The following GRIA4 variants were observed in gnomAD, a reference collection of about 807,000 sequenced individuals.
GRIA4 encodes glutamate receptor 4.
A neutral mutation model predicts 104.0 loss-of-function variants in GRIA4; 34 were observed. The ratio of observed to expected loss-of-function variants is 0.33; its 90% CI spans 0.25 to 0.44. The LOEUF (loss-of-function observed/expected upper bound fraction) is 0.44, where lower values mean the gene tolerates loss of function less well. Ranked by LOEUF, GRIA4 falls within the 20% of genes least tolerant of loss-of-function variation. The pLI is 1.00. For missense variants in GRIA4, 750 were observed against 1,096.5 expected (o/e 0.68, Z 4.46); for synonymous variants, 386 against 381.9 (o/e 1.01, Z -0.13).
At chr11:105,797,466 G>A (rs560689795) in intron 4 of GRIA4, among the ~76,000 whole-genome samples, 1 of 151,982 alleles carries the variant, frequency 6.6e-6, no homozygotes, top group African/African-American at 2.4e-5. Flanking sequence ...CGGGCCTAAG[G>A]TTACACTCTA....
intron 7 of GRIA4, among the ~76,000 whole-genome samples, chr11:105,902,855 C>G (rs1946908472): frequency 6.6e-6 from 1 of 152,152 alleles, no homozygotes; most frequent in Non-Finnish European, 1.5e-5. Flanking sequence ...AGCACAGTGA[C>G]TAGTACATAC....
chr11:105,936,099 C>G (rs1478318101), intron 14 of GRIA4, among the ~76,000 whole-genome samples: 1 of 152,134 alleles, frequency 6.6e-6, no homozygotes, highest in African/African-American at 2.4e-5. Flanking sequence ...TGAAGGCTGA[C>G]CAGCATGCAC....
At chr11:105,759,613 G>A (rs986048538) in intron 4 of GRIA4, among the ~76,000 whole-genome samples, 2 of 151,884 alleles carry the variant, frequency 1.3e-5, no homozygotes, top group South Asian at 2.1e-4. Context: ...TCCACTTCTC[G>A]TGAAATACCA....
intron 14 of GRIA4, among the ~76,000 whole-genome samples, chr11:105,946,824 T>C (rs1463944012): frequency 2.0e-5 from 3 of 151,996 alleles, no homozygotes. Flanking sequence ...GAAGAAAATT[T>C]TAGGAAGGGA....
intron 5 of GRIA4, chr11:105,862,540 C>T (rs56091908): frequency 0.2 from 34,041 of 174,138 alleles, 3,501 homozygotes; most frequent in South Asian, 0.23. Context: ...AAAAATAGTA[C>T]AAAAATTCTA....
chr11:105,914,158 C>T (rs1935354486), intron 10 of GRIA4, among the ~76,000 whole-genome samples: 1 of 151,666 alleles, frequency 6.6e-6, no homozygotes. Flanking sequence ...CACTGAAGAG[C>T]TTATAAATCA....
At chr11:105,725,195 A>G (rs1231103971) in intron 3 of GRIA4, among the ~76,000 whole-genome samples, 1 of 152,216 alleles carries the variant, frequency 6.6e-6, no homozygotes, top group Non-Finnish European at 1.5e-5. Flanking sequence ...ATGCAATATT[A>G]GCTATTTCTC....
chr11:105,794,469 GTA>G (rs1200611859), intron 4 of GRIA4, among the ~76,000 whole-genome samples: 2,033 of 40,756 alleles, frequency 0.05, 180 homozygotes, highest in African/African-American at 0.12. Context: ...GTGTGTATAT[GTA>G]TGTATATATA....
chr11:105,806,627 G>A (rs958079556), intron 4 of GRIA4, among the ~76,000 whole-genome samples: 1 of 151,810 alleles, frequency 6.6e-6, no homozygotes, highest in African/African-American at 2.4e-5. Context: ...GATGTGCCAT[G>A]AAGAAAACAG....
At position 105,862,158 on chromosome 11, in the gene GRIA4, A is replaced by G. The variant is rs1351663546; in HGVS notation, c.622A>G (p.Lys208Glu). 6.2e-7 allele frequency: 1 copy of G among 1,607,562 alleles called. No homozygotes were observed. Among genetic ancestry groups the G allele is most frequent in the East Asian group, 2.2e-5 (1 of 44,794 alleles). The change falls in exon 5 of 17, where the codon AAG becomes GAG. Residue 208 changes from lysine to glutamate, a missense_variant. Around this residue, in one of 3 missense-constraint regions of GRIA4, gnomAD observed 410 missense variants for 502.7 expected, o/e 0.82. Transcript: ENST00000282499. ...AGAACTTGACAGAAGACAAGAGAAG[A>G]AGTTTGTAATAGACTGTGAGATAGA... ...LEELDRRQEK[K>E]FVIDCEIERL...
At chr11:105,643,753 C>G (rs554809083) in intron 3 of GRIA4, among the ~76,000 whole-genome samples, 1 of 152,180 alleles carries the variant, frequency 6.6e-6, no homozygotes, top group African/African-American at 2.4e-5. Context: ...CAGTCTTGCT[C>G]TGTCACCCAG....
At chr11:105,644,972 A>G (rs1357397381) in intron 3 of GRIA4, among the ~76,000 whole-genome samples, 1 of 152,154 alleles carries the variant, frequency 6.6e-6, no homozygotes, top group African/African-American at 2.4e-5. Flanking sequence ...CTGGGAGCTA[A>G]GCAGTGCGTG....
intron 4 of GRIA4, among the ~76,000 whole-genome samples, chr11:105,800,755 C>T (rs975275723): frequency 1.4e-5 from 2 of 147,092 alleles, no homozygotes; most frequent in South Asian, 2.2e-4. Flanking sequence ...ATCTAAGCCA[C>T]TAATTTACTT....
chr11:105,875,116 A>C (rs938954387), intron 5 of GRIA4, among the ~76,000 whole-genome samples: 2 of 152,202 alleles, frequency 1.3e-5, no homozygotes, highest in African/African-American at 4.8e-5. Flanking sequence ...TAGAGTTTTT[A>C]GCATGAAGGG....
At chr11:105,676,137 A>C (rs1465157403) in intron 3 of GRIA4, among the ~76,000 whole-genome samples, 1 of 151,782 alleles carries the variant, frequency 6.6e-6, no homozygotes, top group East Asian at 1.9e-4. Flanking sequence ...GTAATAAAGT[A>C]TCTTTAATAT....
At chr11:105,720,463 G>C (rs886716830) in intron 3 of GRIA4, among the ~76,000 whole-genome samples, 1 of 151,948 alleles carries the variant, frequency 6.6e-6, no homozygotes, top group African/African-American at 2.4e-5. Flanking sequence ...ATGAAATGAT[G>C]GGTTTCTCAA....
intron 5 of GRIA4, among the ~76,000 whole-genome samples, chr11:105,876,626 C>G (rs1488607098): frequency 6.6e-6 from 1 of 152,030 alleles, no homozygotes; most frequent in Non-Finnish European, 1.5e-5. Context: ...TATTTAGGAT[C>G]GTTAGCTCTT....
intron 4 of GRIA4, among the ~76,000 whole-genome samples, chr11:105,817,845 T>A (rs1173106506): frequency 2.0e-5 from 3 of 152,066 alleles, no homozygotes; most frequent in Non-Finnish European, 4.4e-5. Flanking sequence ...AACATAGGAA[T>A]CTGTAAGCAC....
intron 4 of GRIA4, among the ~76,000 whole-genome samples, chr11:105,759,915 T>C (rs1263146197): frequency 6.6e-6 from 1 of 152,154 alleles, no homozygotes; most frequent in African/African-American, 2.4e-5. Flanking sequence ...TTTATCATAG[T>C]AGAGACTCTG....
Sources: allele counts gnomAD v4.1 joint callset (sites outside exome capture counted in the v4.1 genomes callset), GRCh38; gene constraint gnomAD v4.1.1; regional missense constraint gnomAD v4.1.1; transcripts MANE v1.5; gene names NCBI Gene and HGNC (gene_info 2026-07-23, HGNC 2026-07-21).